Variants in FHIP2A observed in about 807,000 individuals in gnomAD.
The protein encoded by FHIP2A is FHF complex subunit HOOK interacting protein 2A, also known as family with sequence similarity 160 member B1.
Under a neutral mutation model 93.5 loss-of-function variants are expected in FHIP2A, and 46 were observed. The observed-to-expected ratio is 0.49, with a 90% CI of 0.39 to 0.63. FHIP2A has a LOEUF of 0.63. Among genes scored for constraint, FHIP2A ranks in the 20% least tolerant of loss-of-function variants. The probability of loss-of-function intolerance (pLI) is 0.00; values close to 1 mark genes in which losing one functional copy is unlikely to be tolerated. For synonymous variants in FHIP2A, 332 were observed against 326.5 expected (o/e 1.02, Z -0.18); for missense variants, 769 against 909.7 (o/e 0.85, Z 1.99).
Position 114,862,633 on chromosome 10 carries a change from A to C in FHIP2A, c.*1093A>C, listed in dbSNP as rs1032554975. On this transcript the variant is annotated 3_prime_UTR_variant, in exon 17 of 17. Coordinates refer to ENST00000369248, the MANE Select transcript of FHIP2A (RefSeq NM_020940.4). ...TGGGTATGTATGTGAATGGGTGTAC[A>C]TGTAGGAACCTGTAGTTCAGCAAAG... 11 of 985,678 alleles carry C rather than the reference A, an allele frequency of 1.1e-5. No individual in the cohort carries two copies. The highest frequency in any genetic ancestry group is 1.7e-5 in the African/African-American group (1 of 57,258). 61.1% of individuals were successfully genotyped at this position (985,678 alleles called of 1,614,324 possible).
At chr10:114,864,784 T>G, downstream of FHIP2A, 1 of 861,468 alleles carries the variant, frequency 1.2e-6, no homozygotes, top group Non-Finnish European at 1.4e-6. Flanking sequence ...AAACAATTTT[T>G]AACTTTTTGC....
At chr10:114,833,003 C>T (rs1026436858) in intron 2 of FHIP2A, among the ~76,000 whole-genome samples, 2 of 152,000 alleles carry the variant, frequency 1.3e-5, no homozygotes, top group African/African-American at 2.4e-5. Flanking sequence ...TGTGAGCCAC[C>T]GTGCCTAGCC....
chr10:114,868,189 A>G (rs1002179092), downstream of FHIP2A, among the ~76,000 whole-genome samples: 3 of 151,912 alleles, frequency 2.0e-5, no homozygotes, highest in Non-Finnish European at 4.4e-5. Context: ...GGGTCCCCCA[A>G]CCCCCGGGCC....
chr10:114,854,100 C>G (rs1043598788), intron 13 of FHIP2A, among the ~76,000 whole-genome samples: 1 of 149,548 alleles, frequency 6.7e-6, no homozygotes, highest in Non-Finnish European at 1.5e-5. Flanking sequence ...AATATTCACA[C>G]TGTTTCACTG....
At chr10:114,849,780 C>T (rs1441138577) in intron 13 of FHIP2A, among the ~76,000 whole-genome samples, 7 of 152,144 alleles carry the variant, frequency 4.6e-5, no homozygotes, top group Non-Finnish European at 1.0e-4. Flanking sequence ...TTCTCCTCCC[C>T]GCCAACCCCC....
In FHIP2A at chr10:114,863,321, GAT is replaced by G. The variant is rs2143013457; in HGVS notation, c.*1786_*1787del. On this transcript the variant is annotated 3_prime_UTR_variant, in exon 17 of 17. Transcript: ENST00000369248. ...TCTAGATGTAGTAACAGTCTACTTT[GAT>G]ATATGAGTATTTAAACTAAGGCATT... 1 of 979,230 alleles carries G rather than the reference GAT, an allele frequency of 1.0e-6. No individual in the cohort carries two copies. Among genetic ancestry groups the G allele is most frequent in the Non-Finnish European group, 1.2e-6 (1 of 824,082 alleles). The allele number at this position is 979,230 out of a possible 1,614,324, so 60.7% of individuals were successfully genotyped here.
In FHIP2A at chr10:114,863,296, TC is replaced by T; in HGVS notation, c.*1757del. The T allele has an allele frequency of 1.0e-6, 1 of 981,942 alleles. No homozygotes were observed. The highest frequency in any genetic ancestry group is 1.1e-4 in the East Asian group (1 of 8,806). The allele number at this position is 981,942 out of a possible 1,614,324, so 60.8% of individuals were successfully genotyped here. A position where few individuals can be genotyped will look rare whatever the true frequency, so the allele number is the denominator to read the frequency against. On this transcript the variant is annotated 3_prime_UTR_variant, in exon 17 of 17. Coordinates refer to ENST00000369248, the MANE Select transcript of FHIP2A (RefSeq NM_020940.4). ...CAAGGAAAACTTCGACATTTACATT[TC>T]TAGATGTAGTAACAGTCTACTTTGA... is the stretch of plus-strand genomic sequence containing the variant.
chr10:114,859,054 G>T (rs1592025265), intron 14 of FHIP2A, among the ~76,000 whole-genome samples: 1 of 151,692 alleles, frequency 6.6e-6, no homozygotes, highest in East Asian at 1.9e-4. Flanking sequence ...CCAAGTAGGA[G>T]AATTTACTCT....
At position 114,830,905 on chromosome 10, in the gene FHIP2A, T is replaced by C. The variant is rs1428686664; in HGVS notation, c.99T>C (p.Ile33=). Residue 33 remains isoleucine, a synonymous_variant, in exon 2 of 17, where the codon ATT becomes ATC. Coordinates refer to ENST00000369248, the MANE Select transcript of FHIP2A (RefSeq NM_020940.4). ...QEDFVYHWKA[I]THYYIETSDD... Reference sequence around the variant, plus strand: ...ATTTTGTTTATCACTGGAAGGCAATTACCCATTACTACATAGAGACTTCAG... The same window carrying C: ...ATTTTGTTTATCACTGGAAGGCAATCACCCATTACTACATAGAGACTTCAG... 1.9e-6 allele frequency: 3 copies of C among 1,607,306 alleles called. No homozygotes were observed. In the Admixed American group the frequency reaches 5.0e-5, roughly 27 times the overall value.
intron 6 of FHIP2A, 94 bp downstream of exon 6, chr10:114,843,320 T>C (rs921307434): frequency 2.3e-6 from 2 of 870,992 alleles, no homozygotes; most frequent in Admixed American, 4.1e-5. Flanking sequence ...TTATTTTTTT[T>C]TTTGAGATGG....
chr10:114,861,253 G>T lies in FHIP2A; in HGVS notation c.2111G>T (p.Arg704Leu). The stretch of plus-strand genomic sequence containing the variant: ...CAGGTTGTTGGAGACCTTATGCTTC[G>T]AATCCAGCGTATTCAAGACTTTACT... ...IVRVVGDLMLRIQRIQDFTPK... is the reference protein window; with the variant it reads ...IVRVVGDLMLLIQRIQDFTPK... Residue 704 changes from arginine (R) to leucine (L), a missense_variant, in exon 16 of 17, where the codon CGA becomes CTA. Physicochemically the swap from Arg to Leu is moderately radical, Grantham distance 102. Transcript: ENST00000369248. 1.2e-6 allele frequency: 2 copies of T among 1,614,122 alleles called. No homozygotes were observed. The highest frequency in any genetic ancestry group is 1.1e-5 in the South Asian group (1 of 91,082).
At chr10:114,876,105 G>T (rs1418035025) in intron 16 of FHIP2A, among the ~76,000 whole-genome samples, 1 of 152,138 alleles carries the variant, frequency 6.6e-6, no homozygotes, top group African/African-American at 2.4e-5. Context: ...CCACCCTCCC[G>T]CTCACCAGCG....
intron 16 of FHIP2A, among the ~76,000 whole-genome samples, chr10:114,895,744 G>A (rs1224457379): frequency 6.6e-6 from 1 of 152,130 alleles, no homozygotes; most frequent in Non-Finnish European, 1.5e-5. Context: ...TCCATGTCTG[G>A]TGCTTGATCC....
chr10:114,898,984 A>G (rs1295165991), intron 16 of FHIP2A, among the ~76,000 whole-genome samples: 1 of 152,212 alleles, frequency 6.6e-6, no homozygotes, highest in African/African-American at 2.4e-5. Context: ...AAGCATTTGT[A>G]TACTGACATG....
intron 5 of FHIP2A, among the ~76,000 whole-genome samples, chr10:114,839,544 C>T (rs2143010755): frequency 6.6e-6 from 1 of 152,290 alleles, no homozygotes; most frequent in African/African-American, 2.4e-5. Flanking sequence ...CCAATATTTG[C>T]ATCTACTATT....
chr10:114,854,226 C>T (rs1157808898), intron 13 of FHIP2A, among the ~76,000 whole-genome samples: 1 of 150,730 alleles, frequency 6.6e-6, no homozygotes, highest in African/African-American at 2.4e-5. Context: ...GGTGTGGTGG[C>T]TCATGCCTGT....
intron 14 of FHIP2A, among the ~76,000 whole-genome samples, chr10:114,859,577 G>A (rs191743162): frequency 3.3e-5 from 5 of 152,254 alleles, no homozygotes; most frequent in Admixed American, 2.6e-4. Context: ...CAACCAATCC[G>A]TTTCCTTTGG....
chr10:114,899,292 A>G (rs73368780), intron 16 of FHIP2A, among the ~76,000 whole-genome samples: 2,482 of 152,350 alleles, frequency 0.016, 80 homozygotes, highest in African/African-American at 0.057. Flanking sequence ...AAGTTAAAAT[A>G]TTAGTAAAAA....
chr10:114,847,953 G>A (rs1350902278), intron 12 of FHIP2A, among the ~76,000 whole-genome samples: 2 of 152,228 alleles, frequency 1.3e-5, no homozygotes, highest in Non-Finnish European at 2.9e-5. Context: ...CCACCATGCT[G>A]AGTCATCCCA....
Sources: allele counts gnomAD v4.1 joint callset (sites outside exome capture counted in the v4.1 genomes callset), GRCh38; gene constraint gnomAD v4.1.1; transcripts MANE v1.5; gene names NCBI Gene and HGNC (gene_info 2026-07-23, HGNC 2026-07-21).